Variants in KIF17 observed in about 807,000 individuals in gnomAD.
The protein encoded by KIF17 is kinesin-like protein KIF17.
In KIF17, 80 loss-of-function variants were observed where a neutral mutation model predicts 96.8. That is an observed-to-expected ratio of 0.83 (90% CI 0.69 to 1.00). KIF17 has a LOEUF of 1.00. Ranked by LOEUF, KIF17 falls within the 50% of genes least tolerant of loss-of-function variation. The pLI is 0.00. For missense variants in KIF17, 1,280 were observed against 1,372.9 expected, an observed-to-expected ratio of 0.93 and a Z score of 1.07; for synonymous variants, 567 against 587.5, an observed-to-expected ratio of 0.97 and a Z score of 0.51.
At chr1:20,662,478 T>A (rs938003135), downstream of KIF17, among the ~76,000 whole-genome samples, 1 of 152,000 alleles carries the variant, frequency 6.6e-6, no homozygotes, top group African/African-American at 2.4e-5. Flanking sequence ...CCATACATCT[T>A]CTTAACGGAC....
At chr1:20,683,185 G>A (rs1406313329) in intron 10 of KIF17, among the ~76,000 whole-genome samples, 1 of 152,220 alleles carries the variant, frequency 6.6e-6, no homozygotes, top group East Asian at 1.9e-4. Flanking sequence ...CCCTGCAGCT[G>A]AGCAGGCTAG....
At chr1:20,683,545 C>T (rs2053870972) in intron 10 of KIF17, among the ~76,000 whole-genome samples, 1 of 152,058 alleles carries the variant, frequency 6.6e-6, no homozygotes, top group African/African-American at 2.4e-5. Context: ...ATCCCAGCTA[C>T]TTGGGAGGCT....
intron 4 of KIF17, among the ~76,000 whole-genome samples, chr1:20,708,104 G>A (rs535974745): frequency 1.3e-5 from 2 of 151,778 alleles, no homozygotes; most frequent in African/African-American, 2.4e-5. Context: ...CCCTAAACCC[G>A]CTCCCTCCTC....
At chr1:20,697,292 A>T (rs2054159258) in intron 6 of KIF17, among the ~76,000 whole-genome samples, 1 of 152,198 alleles carries the variant, frequency 6.6e-6, no homozygotes, top group Non-Finnish European at 1.5e-5. Flanking sequence ...CAGGTTTCAC[A>T]TCAGGAAAAG....
rs112205666 is a variant in KIF17 at position 20,664,812 on chromosome 1, A to G, written c.2909-50T>C. On this transcript the variant is annotated intron_variant, in intron 14 of 14. Coordinates refer to ENST00000400463, the MANE Select transcript of KIF17 (RefSeq NM_001122819.3). The stretch of plus-strand genomic sequence containing the variant: ...TGGTAAGCCAGGAGCGCAGGGATGG[A>G]GAGAAAATGCCCCAAGTGGGTAGGA... The G allele has an allele frequency of 3.5e-3, 5,416 of 1,556,908 alleles. 159 individuals are homozygous for G. In the African/African-American group the frequency reaches 0.063, roughly 18 times the overall value.
intron 13 of KIF17, among the ~76,000 whole-genome samples, chr1:20,666,934 G>A (rs537891699): frequency 1.3e-5 from 2 of 152,198 alleles, no homozygotes; most frequent in East Asian, 3.9e-4. Flanking sequence ...TACACAGCTG[G>A]ACATGTGACC....
At chr1:20,716,647 A>C (rs948524726) in intron 1 of KIF17, among the ~76,000 whole-genome samples, 1 of 152,206 alleles carries the variant, frequency 6.6e-6, no homozygotes, top group Non-Finnish European at 1.5e-5. Flanking sequence ...GTAAAGCCAC[A>C]CAGATGAGGT....
At chr1:20,678,618 A>G (rs558781451) in intron 11 of KIF17, among the ~76,000 whole-genome samples, 27 of 152,098 alleles carry the variant, frequency 1.8e-4, no homozygotes, top group Non-Finnish European at 3.4e-4. Flanking sequence ...TACAGAGATA[A>G]ACCCCCAAGT....
Position 20,687,941 on chromosome 1 carries a change from G to A in KIF17, c.1385C>T (p.Ala462Val). ...GTAGAGGACTCCCACCTGCAGGACA[G>A]CCTCTGCAAAATGGAGAACTTCCTT... ...LEENLRKETE[A>V]VLQVGVLYKA... The change falls in exon 8 of 15, where the codon GCT (alanine) becomes GTT (valine). Residue 462 changes from alanine (A) to valine (V), a missense_variant. By Grantham distance (64) the Ala-to-Val change is moderately conservative. Transcript: ENST00000400463. This position sits in a 1 kb window ranked among gnomAD's most constrained non-coding sequence, Gnocchi z 4.4. The A allele has an allele frequency of 6.2e-7, 1 of 1,613,538 alleles. No individual in the cohort carries two copies. Among genetic ancestry groups the A allele is most frequent in the Non-Finnish European group, 8.5e-7 (1 of 1,179,922 alleles).
intron 3 of KIF17, among the ~76,000 whole-genome samples, chr1:20,712,547 G>GATATTATCT (rs1446733548): frequency 2.3e-4 from 16 of 68,340 alleles, no homozygotes; most frequent in African/African-American, 6.3e-4. Context: ...CTATATTATA[G>GATATTATCT]ATATTATCTA....
chr1:20,717,463 C>CG lies in KIF17; in HGVS notation c.231+12dup. The CG allele has an allele frequency of 1.9e-6, 3 of 1,609,630 alleles. No homozygotes were observed. The highest frequency in any genetic ancestry group is 2.5e-6 in the Non-Finnish European group (3 of 1,179,402). On this transcript the variant is annotated intron_variant, in intron 1 of 14. Coordinates refer to ENST00000400463, the MANE Select transcript of KIF17 (RefSeq NM_001122819.3). The stretch of plus-strand genomic sequence containing the variant: ...CCCTGCCGCCTGCAGGGCGGCCTGC[C>CG]GGGCGCCCTCACCTCCACCAGCGGA...
chr1:20,711,652 T>C (rs776726753), intron 3 of KIF17, among the ~76,000 whole-genome samples: 36 of 152,118 alleles, frequency 2.4e-4, no homozygotes, highest in Admixed American at 3.9e-4. Flanking sequence ...AGTTCAGGGC[T>C]GGGTTCTGTG....
At position 20,682,844 on chromosome 1, in the gene KIF17, C is replaced by T. The variant is rs1445692501; in HGVS notation, c.2272G>A (p.Ala758Thr). ...TTCTCCTTCAGGTCCTTGTTCTTGG[C>T]CTGCTCTCCACCCACAACCTGCTGC... ...LEQQVVGGEQ[A>T]KNKDLKEKHK... Residue 758 changes from alanine to threonine, a missense_variant, in exon 11 of 15, where the codon GCC becomes ACC. Coordinates refer to ENST00000400463, the MANE Select transcript of KIF17 (RefSeq NM_001122819.3). 1 of 1,612,158 alleles carries T rather than the reference C, an allele frequency of 6.2e-7. No individual in the cohort carries two copies. Among genetic ancestry groups the T allele is most frequent in the Admixed American group, 1.7e-5 (1 of 60,028 alleles).
intron 8 of KIF17, among the ~76,000 whole-genome samples, chr1:20,686,619 G>A (rs185646689): frequency 3.3e-5 from 5 of 152,156 alleles, no homozygotes; most frequent in South Asian, 2.1e-4. Flanking sequence ...ACAGTGGTGC[G>A]ATCTTGGCTC....
chr1:20,714,016 C>T (rs528001456), intron 2 of KIF17, among the ~76,000 whole-genome samples: 19 of 152,136 alleles, frequency 1.2e-4, no homozygotes, highest in African/African-American at 3.6e-4. Context: ...GTGAAACCCC[C>T]GTCTCTACTA....
At chr1:20,679,453 C>T (rs1463830906) in intron 11 of KIF17, among the ~76,000 whole-genome samples, 1 of 152,142 alleles carries the variant, frequency 6.6e-6, no homozygotes, top group Non-Finnish European at 1.5e-5. Flanking sequence ...GCACTCCAGC[C>T]TGGGCGACAG....
intron 11 of KIF17, among the ~76,000 whole-genome samples, chr1:20,676,785 T>C (rs552363716): frequency 2.0e-5 from 3 of 151,586 alleles, no homozygotes; most frequent in Non-Finnish European, 4.4e-5. Context: ...GAGTCGAGAT[T>C]GCACCATTGC....
Position 20,690,352 on chromosome 1 carries a change from G to GGCGCCCA in KIF17, c.1234-18_1234-17insTGGGCGC. On this transcript the variant is annotated splice_polypyrimidine_tract_variant and intron_variant, in intron 6 of 14. Transcript: ENST00000400463. ...TTCATACTCCTGGGGGGGTGGGAGGGACCAGAGGGCAGGCAGCATTTTATC... is the reference window on the plus strand; with the variant it reads ...TTCATACTCCTGGGGGGGTGGGAGGGGCGCCCAACCAGAGGGCAGGCAGCATTTTATC... 1 of 451,174 alleles carries GGCGCCCA rather than the reference G, an allele frequency of 2.2e-6. No homozygotes were observed. Among genetic ancestry groups the GGCGCCCA allele is most frequent in the Non-Finnish European group, 4.3e-6 (1 of 235,152 alleles). The allele number at this position is 451,174 out of a possible 1,614,324, so 27.9% of individuals were successfully genotyped here.
chr1:20,670,581 G>C (rs565808500), intron 12 of KIF17, 93 bp from the exon 13 acceptor site: 1 of 1,179,132 alleles, frequency 8.5e-7, no homozygotes, highest in South Asian at 1.2e-5. Context: ...CCTGGCTCAG[G>C]CTTAAACAGG....
Sources: gnomAD v4.1 joint callset for allele counts (sites outside exome capture counted in the v4.1 genomes callset) on GRCh38, gnomAD v4.1.1 for gene constraint, Gnocchi (gnomAD v3.1) non-coding constraint, MANE v1.5 for transcripts, NCBI Gene and HGNC (gene_info 2026-07-23, HGNC 2026-07-21) for gene names.